Variants in FBLN5 observed in about 807,000 individuals in gnomAD.
FBLN5 encodes fibulin 5.
In FBLN5, 24 loss-of-function variants were observed where a neutral mutation model predicts 61.6. That is an observed-to-expected ratio of 0.39 (90% CI 0.28 to 0.55). FBLN5 has a LOEUF of 0.55. Ranked by LOEUF, FBLN5 falls within the 20% of genes least tolerant of loss-of-function variation. The pLI, the probability that FBLN5 is intolerant of heterozygous loss-of-function variation, is 0.65. For synonymous variants in FBLN5, 213 were observed against 219.8 expected, an observed-to-expected ratio of 0.97 and a Z score of 0.27; for missense variants, 470 against 594.1, an observed-to-expected ratio of 0.79 and a Z score of 2.17.
intron 4 of FBLN5, among the ~76,000 whole-genome samples, chr14:91,899,153 T>C (rs1258981979): frequency 1.3e-5 from 2 of 151,788 alleles, no homozygotes; most frequent in Non-Finnish European, 2.9e-5. Context: ...CGTGTGTGTG[T>C]GTGTGTGTGT....
intron 3 of FBLN5, 89 bp from the exon 4 acceptor site, chr14:91,937,290 G>A: frequency 1.3e-6 from 2 of 1,554,056 alleles, no homozygotes; most frequent in Non-Finnish European, 1.8e-6. Flanking sequence ...ACCAGGCGTG[G>A]AGGAAGCACT....
chr14:91,936,847 T>G, intron 4 of FBLN5, 100 bp downstream of exon 4: 1 of 1,374,050 alleles, frequency 7.3e-7, no homozygotes, highest in Non-Finnish European at 1.0e-6. Flanking sequence ...CACTGGTGCA[T>G]TGAATGGCAA....
intron 4 of FBLN5, among the ~76,000 whole-genome samples, chr14:91,926,908 T>C (rs542414737): frequency 9.7e-4 from 147 of 152,232 alleles, no homozygotes; most frequent in African/African-American, 3.4e-3. Context: ...CATTGTCCCA[T>C]CTTGTAGCTG....
chr14:91,939,775 C>G, intron 3 of FBLN5: 1 of 350,650 alleles, frequency 2.9e-6, no homozygotes, highest in Non-Finnish European at 5.5e-6. Flanking sequence ...GTCCTCAGAA[C>G]CTGTGAATAG....
chr14:91,876,198 C>A (rs952643246), intron 10 of FBLN5, among the ~76,000 whole-genome samples: 2 of 152,188 alleles, frequency 1.3e-5, no homozygotes, highest in Non-Finnish European at 2.9e-5. Context: ...GGGAGGGTCC[C>A]GCAGCTTCAG....
chr14:91,919,129 G>A (rs944300964), intron 4 of FBLN5, among the ~76,000 whole-genome samples: 2 of 152,166 alleles, frequency 1.3e-5, no homozygotes, highest in South Asian at 2.1e-4. Flanking sequence ...CCAGGAGTTC[G>A]AGGTCAGCCA....
intron 4 of FBLN5, among the ~76,000 whole-genome samples, chr14:91,903,788 T>G (rs538202389): frequency 1.2e-4 from 18 of 152,318 alleles, no homozygotes; most frequent in African/African-American, 4.3e-4. Flanking sequence ...AGGCAGTTCT[T>G]CTGAAAATCT....
chr14:91,942,763 C>A (rs1033844540), intron 2 of FBLN5, 144 bp downstream of exon 2: 2 of 666,420 alleles, frequency 3.0e-6, no homozygotes, highest in Non-Finnish European at 5.4e-6. Flanking sequence ...CCACTGTTAA[C>A]CTCTGAGAAT....
intron 8 of FBLN5, among the ~76,000 whole-genome samples, chr14:91,881,682 C>T (rs1323094212): frequency 2.0e-5 from 3 of 152,108 alleles, no homozygotes. Flanking sequence ...AATCCCGGTA[C>T]ATTGGGAGGC....
intron 4 of FBLN5, among the ~76,000 whole-genome samples, chr14:91,913,145 T>C (rs1034516392): frequency 6.6e-6 from 1 of 152,192 alleles, no homozygotes; most frequent in Admixed American, 6.5e-5. Context: ...TACTACCCTG[T>C]CATTATAAGT....
intron 4 of FBLN5, among the ~76,000 whole-genome samples, chr14:91,933,314 G>A (rs2430376): frequency 0.5 from 76,193 of 151,768 alleles, 19,721 homozygotes; most frequent in East Asian, 0.68. Flanking sequence ...TTGCTCTGTC[G>A]CCCAGGCTGG....
At chr14:91,893,753 G>A (rs2139980268) in intron 5 of FBLN5, among the ~76,000 whole-genome samples, 1 of 152,376 alleles carries the variant, frequency 6.6e-6, no homozygotes, top group Middle Eastern at 3.4e-3. Flanking sequence ...AAAGATCAGA[G>A]AGCAGATGCT....
intron 4 of FBLN5, among the ~76,000 whole-genome samples, chr14:91,928,152 G>A (rs2055860761): frequency 1.3e-5 from 2 of 152,234 alleles, no homozygotes; most frequent in Admixed American, 6.5e-5. Context: ...GGTGTCAGCA[G>A]GCATGTGTGC....
At chr14:91,919,366 GAAAAGAAAAGA>G (rs747015929) in intron 4 of FBLN5, among the ~76,000 whole-genome samples, 18 of 113,258 alleles carry the variant, frequency 1.6e-4, no homozygotes, top group South Asian at 2.8e-4. Context: ...GAAAAGAAAA[GAAAAGAAAAGA>G]AAAGAAAGAA....
intron 1 of FBLN5, among the ~76,000 whole-genome samples, chr14:91,945,296 C>A (rs1386798187): frequency 6.6e-6 from 1 of 151,370 alleles, no homozygotes; most frequent in Non-Finnish European, 1.5e-5. Flanking sequence ...TTCAGTTCAA[C>A]AGCAGTTTAT....
intron 6 of FBLN5, among the ~76,000 whole-genome samples, chr14:91,890,446 GCTGGAGGC>G (rs1889939621): frequency 6.6e-6 from 1 of 152,202 alleles, no homozygotes; most frequent in Non-Finnish European, 1.5e-5. Flanking sequence ...GCTGCCAGGG[GCTGGAGGC>G]CTGGGCCGGG....
At chr14:91,881,127 A>C (rs796819400) in intron 9 of FBLN5, among the ~76,000 whole-genome samples, 165 bp downstream of exon 9, 119 of 93,612 alleles carry the variant, frequency 1.3e-3, no homozygotes, top group African/African-American at 5.3e-3. Context: ...TTCTACACAC[A>C]CACACACACA....
intron 9 of FBLN5, among the ~76,000 whole-genome samples, chr14:91,880,711 C>A (rs1383304770): frequency 1.3e-5 from 2 of 152,054 alleles, no homozygotes; most frequent in African/African-American, 4.8e-5. Flanking sequence ...CCAGGCCCAG[C>A]TAATTTTTTT....
chr14:91,910,897 C>T (rs899558686), intron 4 of FBLN5, among the ~76,000 whole-genome samples: 2 of 152,098 alleles, frequency 1.3e-5, no homozygotes, highest in Admixed American at 6.5e-5. Flanking sequence ...TCTAGTAACT[C>T]GATTCAAAGG....
Sources: gnomAD v4.1 joint callset for allele counts (sites outside exome capture counted in the v4.1 genomes callset) on GRCh38, gnomAD v4.1.1 for gene constraint, MANE v1.5 for transcripts, NCBI Gene and HGNC (gene_info 2026-07-23, HGNC 2026-07-21) for gene names.